Variants in IWS1 observed in about 807,000 individuals in gnomAD.
The protein encoded by IWS1 is interacts with SUPT6H, CTD assembly factor 1.
In IWS1, 27 loss-of-function variants were observed where a neutral mutation model predicts 86.7. The ratio of observed to expected loss-of-function variants is 0.31; its 90% CI spans 0.23 to 0.43. The LOEUF (loss-of-function observed/expected upper bound fraction) is 0.43. Ranked by LOEUF, IWS1 falls within the 20% of genes least tolerant of loss-of-function variation. The pLI, the probability that IWS1 is intolerant of heterozygous loss-of-function variation, is 1.00. For synonymous variants in IWS1, 313 were observed against 335.1 expected (o/e 0.93, Z 0.72); for missense variants, 827 against 1,000.8 (o/e 0.83, Z 2.34).
intron 2 of IWS1, among the ~76,000 whole-genome samples, chr2:127,518,346 T>C (rs1427764976): frequency 6.6e-6 from 1 of 152,040 alleles, no homozygotes; most frequent in African/African-American, 2.4e-5. Context: ...CAAAACCCCA[T>C]TGCTACTATA....
At chr2:127,493,545 C>T in intron 8 of IWS1, 135 bp from the exon 9 acceptor site, 1 of 748,394 alleles carries the variant, frequency 1.3e-6, no homozygotes, top group Admixed American at 3.4e-5. Context: ...ATTTACTGAA[C>T]ACCATTCTGG....
At chr2:127,511,881 T>C (rs1184737221) in intron 2 of IWS1, among the ~76,000 whole-genome samples, 1 of 152,252 alleles carries the variant, frequency 6.6e-6, no homozygotes, top group East Asian at 1.9e-4. Flanking sequence ...CTAGTTGTTT[T>C]GATGTACTCC....
chr2:127,526,459 T>A lies in IWS1; in HGVS notation c.-251A>T, dbSNP rs1047789183. 2.6e-6 allele frequency: 4 copies of A among 1,531,862 alleles called. No individual in the cohort carries two copies. Among genetic ancestry groups the A allele is most frequent in the African/African-American group, 2.7e-5 (2 of 72,730 alleles). 94.9% of individuals were successfully genotyped at this position (1,531,862 alleles called of 1,614,324 possible). A position where few individuals can be genotyped will look rare whatever the true frequency, so the allele number is the denominator to read the frequency against. ...GCATGCGAGCCGGCGTTCTACTTCC[T>A]AGAAGCACCGCTGGGGCCAAAATGG... On this transcript the variant is annotated 5_prime_UTR_variant, in exon 1 of 14. Coordinates refer to ENST00000295321, the MANE Select transcript of IWS1 (RefSeq NM_017969.3).
At position 127,523,970 on chromosome 2, in the gene IWS1, TA is replaced by T. The variant is rs1692251067; in HGVS notation, c.35-180del. On this transcript the variant is annotated intron_variant, in intron 1 of 13. Coordinates refer to ENST00000295321, the MANE Select transcript of IWS1 (RefSeq NM_017969.3). ...ATACTCATACAAACACCAACAAGCATAACATGTACTGTGAAATACGTGGCAG... is the reference window on the plus strand; with the variant it reads ...ATACTCATACAAACACCAACAAGCATACATGTACTGTGAAATACGTGGCAG... 1.5e-4 allele frequency among the ~76,000 whole-genome samples: 22 copies of T among 151,612 alleles called. No individual in the cohort carries two copies. In the South Asian group the frequency reaches 4.6e-3, roughly 31 times the overall value.
At chr2:127,509,117 C>T (rs1423800317) in intron 2 of IWS1, among the ~76,000 whole-genome samples, 1 of 152,096 alleles carries the variant, frequency 6.6e-6, no homozygotes, top group Non-Finnish European at 1.5e-5. Context: ...TTAATAGACT[C>T]GAGCTAAAGA....
intron 5 of IWS1, among the ~76,000 whole-genome samples, chr2:127,501,350 GGCT>G (rs1018448339): frequency 7.9e-5 from 12 of 151,852 alleles, no homozygotes; most frequent in Non-Finnish European, 1.6e-4. Flanking sequence ...TTTCCCTTGT[GGCT>G]GCTTTTAGAC....
rs1052687696 is a variant in IWS1 at position 127,499,626 on chromosome 2, T to C, written c.1468-1389A>G. 3.3e-5 allele frequency among the ~76,000 whole-genome samples: 5 copies of C among 152,210 alleles called. No individual in the cohort carries two copies. The highest frequency in any genetic ancestry group is 1.2e-4 in the African/African-American group (5 of 41,448). Reference sequence around the variant, plus strand: ...AGGCAGTGTCCAGTCTCTGAAACATTTGTTGAATGAATTCTTCCTTTATAT... The same window carrying C: ...AGGCAGTGTCCAGTCTCTGAAACATCTGTTGAATGAATTCTTCCTTTATAT... On this transcript the variant is annotated intron_variant, in intron 5 of 13. Transcript: ENST00000295321. This position sits in a 1 kb window ranked among gnomAD's most constrained non-coding sequence, Gnocchi z 4.0.
upstream of IWS1, chr2:127,526,750 C>T (rs999216515): frequency 6.8e-6 from 8 of 1,168,336 alleles, no homozygotes; most frequent in African/African-American, 1.3e-4. Context: ...AGATACTCTT[C>T]CGAAAAATGA....
intron 5 of IWS1, 64 bp downstream of exon 5, chr2:127,502,751 C>A: frequency 1.3e-6 from 1 of 786,082 alleles, no homozygotes; most frequent in Non-Finnish European, 2.2e-6. Flanking sequence ...ATAATGGTAT[C>A]ACTGCCATAA....
At chr2:127,519,277 TAAGG>T (rs1691954383) in intron 2 of IWS1, among the ~76,000 whole-genome samples, 2 of 152,184 alleles carry the variant, frequency 1.3e-5, no homozygotes, top group African/African-American at 4.8e-5. Context: ...CTTGTTTTCT[TAAGG>T]TAGTCTGATA....
chr2:127,523,196 T>A (rs1363805648), intron 2 of IWS1, among the ~76,000 whole-genome samples: 1 of 151,976 alleles, frequency 6.6e-6, no homozygotes, highest in Non-Finnish European at 1.5e-5. Flanking sequence ...TGTTACAGAG[T>A]CAGACCCTGT....
intron 8 of IWS1, 40 bp from the exon 9 acceptor site, chr2:127,493,450 G>C (rs1240046249): frequency 6.4e-7 from 1 of 1,559,734 alleles, no homozygotes; most frequent in African/African-American, 1.4e-5. Context: ...GTGAACCTTG[G>C]TTCTACTGTA....
intron 7 of IWS1, among the ~76,000 whole-genome samples, chr2:127,495,718 G>T (rs992861621): frequency 1.3e-5 from 2 of 152,180 alleles, no homozygotes; most frequent in Admixed American, 1.3e-4. Flanking sequence ...AAACTTTGTG[G>T]TGAACTAGCC....
At position 127,496,100 on chromosome 2, in the gene IWS1, G is replaced by C; in HGVS notation, c.1614C>G (p.Ser538Arg). The change falls in exon 7 of 14, where the codon AGC becomes AGG. Residue 538 changes from serine to arginine, a missense_variant. By Grantham distance (110) the Ser-to-Arg change is moderately radical. This residue lies in a region of IWS1 where 279 missense variants were observed against 440.6 expected (regional missense o/e 0.63). Transcript: ENST00000295321. Reference sequence around the variant, plus strand: ...GGTTCCGTCTGCGCTTGCCACTCATGCTCTTTTTTCGCTGCAACATCATCT... The same window carrying C: ...GGTTCCGTCTGCGCTTGCCACTCATCCTCTTTTTTCGCTGCAACATCATCT... Reference protein sequence around the residue: ...DFEMMLQRKKSMSGKRRRNRD... With the variant: ...DFEMMLQRKKRMSGKRRRNRD... 1 of 1,613,774 alleles carries C rather than the reference G, an allele frequency of 6.2e-7. No individual in the cohort carries two copies. The highest frequency in any genetic ancestry group is 2.2e-5 in the East Asian group (1 of 44,862).
At chr2:127,521,129 G>A (rs1233068630) in intron 2 of IWS1, among the ~76,000 whole-genome samples, 1 of 152,182 alleles carries the variant, frequency 6.6e-6, no homozygotes, top group Non-Finnish European at 1.5e-5. Flanking sequence ...GTAGCGCACT[G>A]TAATCCCAGC....
At chr2:127,516,818 T>G (rs1278129890) in intron 2 of IWS1, among the ~76,000 whole-genome samples, 3 of 152,110 alleles carry the variant, frequency 2.0e-5, no homozygotes, top group Non-Finnish European at 2.9e-5. Flanking sequence ...AAACCTTTAT[T>G]CAACAATATA....
intron 6 of IWS1, among the ~76,000 whole-genome samples, chr2:127,497,325 G>A (rs1690568091): frequency 6.6e-6 from 1 of 152,192 alleles, no homozygotes; most frequent in Non-Finnish European, 1.5e-5. Flanking sequence ...AGCTTTAGTG[G>A]CACTGCCCTT....
intron 7 of IWS1, 144 bp downstream of exon 7, chr2:127,495,854 A>G (rs1158221220): frequency 1.4e-6 from 1 of 716,660 alleles, no homozygotes; most frequent in Non-Finnish European, 2.1e-6. Context: ...AAATATTTCC[A>G]TGATTAAAAT....
intron 2 of IWS1, among the ~76,000 whole-genome samples, chr2:127,517,699 G>A (rs1433277081): frequency 6.6e-6 from 1 of 152,156 alleles, no homozygotes; most frequent in African/African-American, 2.4e-5. Flanking sequence ...ATTACGTTAT[G>A]AGCCAGCAAT....
Sources: allele counts gnomAD v4.1 joint callset (sites outside exome capture counted in the v4.1 genomes callset), GRCh38; gene constraint gnomAD v4.1.1; regional missense constraint gnomAD v4.1.1; non-coding constraint Gnocchi (gnomAD v3.1); transcripts MANE v1.5; gene names NCBI Gene and HGNC (gene_info 2026-07-23, HGNC 2026-07-21).